VPS13B: variants seen among roughly 807,000 people sequenced by gnomAD.
The protein encoded by VPS13B is intermembrane lipid transfer protein VPS13B.
In VPS13B, 285 loss-of-function variants were observed where a neutral mutation model predicts 426.4. The observed-to-expected ratio is 0.67, with a 90% confidence interval of 0.61 to 0.74. The LOEUF is 0.74. VPS13B is among the 30% of genes least tolerant of loss of function. VPS13B has a pLI of 0.00. For missense variants in VPS13B, 4,537 were observed against 4,782.6 expected (o/e 0.95, Z 1.51); for synonymous variants, 1,676 against 1,676.4 (o/e 1.00, Z 0.01).
At chr8:99,133,284 T>A (rs1014839574) in intron 8 of VPS13B, among the ~76,000 whole-genome samples, 1 of 152,226 alleles carries the variant, frequency 6.6e-6, no homozygotes, top group Admixed American at 6.5e-5. Flanking sequence ...GTCGGACTTT[T>A]CTCCTGCAGC....
At chr8:99,565,033 T>C (rs1292574433) in intron 31 of VPS13B, among the ~76,000 whole-genome samples, 1 of 152,222 alleles carries the variant, frequency 6.6e-6, no homozygotes, top group South Asian at 2.1e-4. Flanking sequence ...GACTTGCTGC[T>C]TTATATGGAT....
At chr8:99,276,523 TCTGTCTC>T (rs1019380264) in intron 19 of VPS13B, among the ~76,000 whole-genome samples, 1 of 152,132 alleles carries the variant, frequency 6.6e-6, no homozygotes, top group Non-Finnish European at 1.5e-5. Flanking sequence ...CCATACAGTC[TCTGTCTC>T]AACTGTTTCT....
intron 44 of VPS13B, among the ~76,000 whole-genome samples, chr8:99,817,242 C>T (rs540068010): frequency 2.1e-3 from 313 of 151,752 alleles, no homozygotes; most frequent in African/African-American, 7.3e-3. Flanking sequence ...GTTTGCAAGG[C>T]TCTTCTTTCA....
At position 99,821,382 on chromosome 8, in the gene VPS13B, C is replaced by T; in HGVS notation, c.9083C>T (p.Pro3028Leu). Reference protein sequence around the residue: ...AIKLVHNLTSPKWKDGGNGEV... With the variant: ...AIKLVHNLTSLKWKDGGNGEV... The stretch of plus-strand genomic sequence containing the variant: ...AAACTGGTCCATAACCTGACATCTC[C>T]AAAGTGGAAAGATGGAGGTAATGGT... The change falls in exon 50 of 62, where the codon CCA becomes CTA. Residue 3028 changes from proline (P) to leucine (L), a missense_variant. Pro to Leu is a moderately conservative substitution (Grantham distance 98). Around this residue, in one of 2 missense-constraint regions of VPS13B, gnomAD observed 4,311 missense variants for 4,474.3 expected, o/e 0.96. Transcript: ENST00000357162. 1 of 1,613,724 alleles carries T rather than the reference C, an allele frequency of 6.2e-7. No individual in the cohort carries two copies. The highest frequency in any genetic ancestry group is 8.5e-7 in the Non-Finnish European group (1 of 1,179,814).
At chr8:99,579,591 G>A (rs561963435) in intron 33 of VPS13B, among the ~76,000 whole-genome samples, 3 of 151,684 alleles carry the variant, frequency 2.0e-5, no homozygotes, top group South Asian at 4.2e-4. Context: ...GTAGAGACGG[G>A]GTTTCACCAT....
intron 12 of VPS13B, among the ~76,000 whole-genome samples, chr8:99,140,656 C>A (rs1180784469): frequency 1.5e-5 from 2 of 137,780 alleles, no homozygotes; most frequent in Admixed American, 7.5e-5. Flanking sequence ...TGCCTTCCTC[C>A]CCCTCCTCCC....
chr8:99,309,945 T>C (rs1031029100), intron 19 of VPS13B, among the ~76,000 whole-genome samples: 3 of 152,206 alleles, frequency 2.0e-5, no homozygotes, highest in African/African-American at 7.2e-5. Flanking sequence ...TTTGAAGAAA[T>C]TGTGAGTGGG....
In VPS13B at chr8:99,161,921, C is replaced by T. The variant is rs377007816; in HGVS notation, c.2208+5178C>T. On this transcript the variant is annotated intron_variant, in intron 15 of 61. Transcript: ENST00000357162. The stretch of plus-strand genomic sequence containing the variant: ...CTAATTTTTGTATTTTTAGTAGAGA[C>T]AGGGTCTCACCATGTTGACCAGGCT... Among the ~76,000 whole-genome samples, 35 of 152,084 alleles carry T rather than the reference C, an allele frequency of 2.3e-4. No individual in the cohort carries two copies. In the East Asian group the frequency reaches 3.7e-3, roughly 16 times the overall value.
At chr8:99,604,933 C>T (rs774079780) in intron 33 of VPS13B, among the ~76,000 whole-genome samples, 20 of 152,256 alleles carry the variant, frequency 1.3e-4, no homozygotes, top group African/African-American at 3.4e-4. Context: ...ATATAGGATA[C>T]GTGTTATAAA....
At chr8:99,273,259 G>T (rs1444206040) in intron 17 of VPS13B, among the ~76,000 whole-genome samples, 1 of 150,722 alleles carries the variant, frequency 6.6e-6, no homozygotes, top group Non-Finnish European at 1.5e-5. Context: ...CCCGGGTTCA[G>T]GTGATTCTCC....
chr8:99,266,009 G>A (rs773394482), intron 17 of VPS13B, among the ~76,000 whole-genome samples: 7 of 152,152 alleles, frequency 4.6e-5, no homozygotes, highest in Non-Finnish European at 8.8e-5. Flanking sequence ...TGGGGGAACA[G>A]AAGTAATCAT....
At chr8:99,373,831 G>A (rs1813327362) in intron 19 of VPS13B, among the ~76,000 whole-genome samples, 1 of 152,140 alleles carries the variant, frequency 6.6e-6, no homozygotes, top group African/African-American at 2.4e-5. Flanking sequence ...AACAGAGTGA[G>A]ACCCTGCTTC....
At chr8:99,484,849 C>CA (rs34547055) in intron 25 of VPS13B, among the ~76,000 whole-genome samples, 29,149 of 113,634 alleles carry the variant, frequency 0.26, 3,222 homozygotes, top group East Asian at 0.44. Context: ...TGTCCTGTCT[C>CA]AAAAAAAAAA....
At position 99,736,551 on chromosome 8, in the gene VPS13B, C is replaced by T. The variant is rs561975783; in HGVS notation, c.7050+15504C>T. ...TCACACCACTGCATTCCAGTCTAGG[C>T]GACAGAGCGAGACTCTTGACTCCAA... On this transcript the variant is annotated intron_variant, in intron 39 of 61. Transcript: ENST00000357162. 2.0e-5 allele frequency among the ~76,000 whole-genome samples: 3 copies of T among 152,002 alleles called. No individual in the cohort carries two copies. In the East Asian group the frequency reaches 5.8e-4, roughly 29 times the overall value.
In VPS13B at chr8:99,778,817, A is replaced by G; in HGVS notation, c.7565A>G (p.Gln2522Arg). The G allele has an allele frequency of 1.2e-6, 2 of 1,614,012 alleles. No homozygotes were observed. Among genetic ancestry groups the G allele is most frequent in the Non-Finnish European group, 1.7e-6 (2 of 1,179,928 alleles). Residue 2522 changes from glutamine (Q) to arginine (R), a missense_variant, in exon 42 of 62, where the codon CAG (glutamine) becomes CGG (arginine). Around this residue, in one of 2 missense-constraint regions of VPS13B, gnomAD observed 4,311 missense variants for 4,474.3 expected, o/e 0.96. Coordinates refer to ENST00000357162, the MANE Select transcript of VPS13B (RefSeq NM_152564.5). ...AATGGTTCTGTCTGTCAGGAGATCC[A>G]GTTCTTAGCTCAAGCAGACTGTAAA... ...WNNGSVCQEI[Q>R]FLAQADCKLL...
chr8:99,478,919 G>T (rs913769063), intron 24 of VPS13B, among the ~76,000 whole-genome samples: 1 of 151,088 alleles, frequency 6.6e-6, no homozygotes, highest in Non-Finnish European at 1.5e-5. Context: ...TTCTAAGATT[G>T]TATTAACTTA....
chr8:99,414,731 T>C (rs896145672), intron 21 of VPS13B, among the ~76,000 whole-genome samples: 1 of 152,236 alleles, frequency 6.6e-6, no homozygotes, highest in Non-Finnish European at 1.5e-5. Context: ...TCTTTGAGAA[T>C]GTCGAATATT....
At position 99,313,233 on chromosome 8, in the gene VPS13B, G is replaced by T. The variant is rs375305663; in HGVS notation, c.2824+37979G>T. Among the ~76,000 whole-genome samples the T allele has an allele frequency of 2.0e-5, 3 of 152,248 alleles. No individual in the cohort carries two copies. The South Asian group carries it at 6.2e-4, about 32-fold the overall frequency. On this transcript the variant is annotated intron_variant, in intron 19 of 61. Transcript: ENST00000357162. ...TGAGGAGCTGCGTTCCTTTGGAGGG[G>T]GAGAAGCGCTCTGATTTTTAGAATT...
intron 54 of VPS13B, among the ~76,000 whole-genome samples, chr8:99,838,511 A>G (rs1184817927): frequency 6.6e-6 from 1 of 152,242 alleles, no homozygotes; most frequent in African/African-American, 2.4e-5. Flanking sequence ...ACTACCAACA[A>G]CATTGAGAAG....
Sources: allele counts gnomAD v4.1 joint callset (sites outside exome capture counted in the v4.1 genomes callset), GRCh38; gene constraint gnomAD v4.1.1; regional missense constraint gnomAD v4.1.1; transcripts MANE v1.5; gene names NCBI Gene and HGNC (gene_info 2026-07-23, HGNC 2026-07-21).